The following KAZN variants were observed in gnomAD, a reference collection of about 807,000 sequenced individuals.
KAZN encodes kazrin.
Under a neutral mutation model 87.4 loss-of-function variants are expected in KAZN, and 40 were observed. The ratio of observed to expected loss-of-function variants is 0.46; its 90% CI spans 0.36 to 0.60. KAZN has a LOEUF of 0.60. KAZN is among the 20% of genes least tolerant of loss of function. The pLI is 0.00. For synonymous variants in KAZN, 466 were observed against 458.3 expected, an observed-to-expected ratio of 1.02 and a Z score of -0.22; for missense variants, 898 against 1,073.9, an observed-to-expected ratio of 0.84 and a Z score of 2.29.
intron 1 of KAZN, among the ~76,000 whole-genome samples, chr1:14,072,053 T>C (rs776618691): frequency 7.2e-5 from 11 of 152,184 alleles, no homozygotes; most frequent in Non-Finnish European, 1.6e-4. Context: ...CCCAGCAAGT[T>C]CTAACTTTGC....
intron 2 of KAZN, among the ~76,000 whole-genome samples, chr1:14,523,480 T>C (rs542856932): frequency 8.5e-5 from 13 of 152,294 alleles, no homozygotes; most frequent in African/African-American, 3.1e-4. Flanking sequence ...AGAAAAGCAA[T>C]GCCCAAATAG....
intron 1 of KAZN, among the ~76,000 whole-genome samples, chr1:14,657,771 C>G (rs1381494964): frequency 1.3e-5 from 2 of 152,236 alleles, no homozygotes; most frequent in African/African-American, 4.8e-5. Context: ...AGAGCACAGC[C>G]TGGAACCCAG....
chr1:13,952,674 C>A (rs1366660113), intron 1 of KAZN, among the ~76,000 whole-genome samples: 2 of 152,022 alleles, frequency 1.3e-5, no homozygotes, highest in African/African-American at 4.8e-5. Context: ...GCTTTCAGAA[C>A]ACCTTATAAA....
At chr1:14,353,368 T>C (rs4661484) in intron 2 of KAZN, among the ~76,000 whole-genome samples, 144,638 of 151,756 alleles carry the variant, frequency 0.95, 69,195 homozygotes, top group Non-Finnish European at 0.97. Flanking sequence ...GGACTACAGG[T>C]GCCTGCCACC....
intron 2 of KAZN, among the ~76,000 whole-genome samples, chr1:14,383,540 C>T (rs1661568815): frequency 6.6e-6 from 1 of 151,448 alleles, no homozygotes. Flanking sequence ...ATATGGCTAG[C>T]CAGTTTTCCC....
intron 1 of KAZN, among the ~76,000 whole-genome samples, chr1:14,869,298 A>C (rs1451063289): frequency 6.6e-6 from 1 of 151,944 alleles, no homozygotes; most frequent in Non-Finnish European, 1.5e-5. Context: ...TGAGCTCGCG[A>C]CCTTTCATTG....
intron 2 of KAZN, among the ~76,000 whole-genome samples, chr1:14,514,652 A>G (rs1200680733): frequency 1.2e-5 from 1 of 85,804 alleles, no homozygotes; most frequent in Non-Finnish European, 2.3e-5. Context: ...TCAAATTGCA[A>G]AAGTATAGCA....
chr1:14,269,186 T>C (rs931472596), intron 2 of KAZN, among the ~76,000 whole-genome samples: 1 of 152,156 alleles, frequency 6.6e-6, no homozygotes, highest in Non-Finnish European at 1.5e-5. Context: ...GGGATTTAGA[T>C]ATTACAATTT....
chr1:14,846,648 A>C (rs1399449542), intron 1 of KAZN, among the ~76,000 whole-genome samples: 2 of 152,182 alleles, frequency 1.3e-5, no homozygotes, highest in African/African-American at 4.8e-5. Context: ...GCTCTTTTCT[A>C]TCTGTCATCT....
At chr1:14,283,130 C>G (rs1490635795) in intron 2 of KAZN, among the ~76,000 whole-genome samples, 1 of 152,150 alleles carries the variant, frequency 6.6e-6, no homozygotes, top group Non-Finnish European at 1.5e-5. Flanking sequence ...TTCTTTCTTT[C>G]TTTGTTTTTT....
chr1:14,410,117 A>G (rs1047461743), intron 2 of KAZN, among the ~76,000 whole-genome samples: 1 of 152,170 alleles, frequency 6.6e-6, no homozygotes, highest in African/African-American at 2.4e-5. Flanking sequence ...TTATTTATTT[A>G]TTTTGAGAGA....
At chr1:13,921,174 T>C (rs920102571) in intron 1 of KAZN, among the ~76,000 whole-genome samples, 1 of 152,222 alleles carries the variant, frequency 6.6e-6, no homozygotes, top group African/African-American at 2.4e-5. Flanking sequence ...CATTTTATAA[T>C]CAGTTTATCA....
At chr1:14,831,476 C>T (rs962064512) in intron 1 of KAZN, among the ~76,000 whole-genome samples, 4 of 152,138 alleles carry the variant, frequency 2.6e-5, no homozygotes, top group African/African-American at 7.2e-5. Flanking sequence ...AGAAAAATGT[C>T]GAAGTTTCCC....
chr1:14,681,700 G>A (rs1427157624), intron 1 of KAZN, among the ~76,000 whole-genome samples: 6 of 86,100 alleles, frequency 7.0e-5, no homozygotes, highest in South Asian at 4.1e-4. Flanking sequence ...TTTTTGAGAC[G>A]GAGTCTCGCT....
intron 2 of KAZN, among the ~76,000 whole-genome samples, chr1:14,566,028 A>T (rs1466943716): frequency 6.6e-6 from 1 of 152,242 alleles, no homozygotes; most frequent in East Asian, 1.9e-4. Flanking sequence ...TCTTAATGAC[A>T]TCTAGCATAG....
chr1:14,336,955 AATTT>A (rs1657314198), intron 2 of KAZN, among the ~76,000 whole-genome samples: 1 of 152,188 alleles, frequency 6.6e-6, no homozygotes, highest in African/African-American at 2.4e-5. Context: ...TATGAAGTCC[AATTT>A]ATTCAATTTT....
chr1:14,831,027 C>G (rs1426057140), intron 1 of KAZN, among the ~76,000 whole-genome samples: 2 of 152,194 alleles, frequency 1.3e-5, no homozygotes, highest in South Asian at 2.1e-4. Context: ...CCCAGGCGCT[C>G]TCTCCCACTT....
chr1:14,214,420 T>G (rs1025195252), intron 2 of KAZN, among the ~76,000 whole-genome samples: 1 of 152,200 alleles, frequency 6.6e-6, no homozygotes, highest in Non-Finnish European at 1.5e-5. Context: ...AAATATTTTT[T>G]AAATTAAAGA....
chr1:13,937,293 C>T (rs1557732685), intron 1 of KAZN, among the ~76,000 whole-genome samples: 1 of 152,168 alleles, frequency 6.6e-6, no homozygotes, highest in African/African-American at 2.4e-5. Context: ...ATCCGCCTGC[C>T]TTGGCCACCC....
Sources: allele counts gnomAD v4.1 joint callset (sites outside exome capture counted in the v4.1 genomes callset), GRCh38; gene constraint gnomAD v4.1.1; transcripts MANE v1.5; gene names NCBI Gene and HGNC (gene_info 2026-07-23, HGNC 2026-07-21).